The following LAMA2 variants were observed in gnomAD, a reference collection of about 807,000 sequenced individuals.
LAMA2 encodes the protein laminin subunit alpha 2.
LAMA2 carries 269 observed loss-of-function variants against 364.8 expected under a neutral mutation model. The ratio of observed to expected loss-of-function variants is 0.74; its 90% CI spans 0.67 to 0.82. LAMA2 has a LOEUF of 0.82. Ranked by LOEUF, LAMA2 falls within the 40% of genes least tolerant of loss-of-function variation. The probability of loss-of-function intolerance (pLI) is 0.00; values close to 1 mark genes in which losing one functional copy is unlikely to be tolerated. For synonymous variants in LAMA2, 1,379 were observed against 1,370.6 expected (o/e 1.01, Z -0.14); for missense variants, 3,807 against 3,873.2 (o/e 0.98, Z 0.45).
intron 28 of LAMA2, among the ~76,000 whole-genome samples, chr6:129,326,984 A>G (rs1354492617): frequency 6.6e-6 from 1 of 151,510 alleles, no homozygotes; most frequent in African/African-American, 2.4e-5. Flanking sequence ...AATAATGGCA[A>G]AAATGAACCT....
At chr6:129,271,624 T>C (rs1457406957) in intron 17 of LAMA2, among the ~76,000 whole-genome samples, 1 of 152,010 alleles carries the variant, frequency 6.6e-6, no homozygotes, top group Non-Finnish European at 1.5e-5. Flanking sequence ...AAATCAACAA[T>C]TTTTACTCAA....
intron 4 of LAMA2, among the ~76,000 whole-genome samples, chr6:129,140,301 A>G (rs1778050646): frequency 1.3e-5 from 2 of 152,126 alleles, no homozygotes; most frequent in African/African-American, 2.4e-5. Context: ...ACAGAGTATA[A>G]TATTGATATA....
chr6:129,421,326 C>G (rs1781061581), intron 40 of LAMA2, among the ~76,000 whole-genome samples: 1 of 151,130 alleles, frequency 6.6e-6, no homozygotes, highest in Non-Finnish European at 1.5e-5. Context: ...CTTGTATATC[C>G]ATATGTATGA....
At chr6:129,508,106 T>C (rs1310300701) in intron 62 of LAMA2, among the ~76,000 whole-genome samples, 1 of 152,248 alleles carries the variant, frequency 6.6e-6, no homozygotes, top group Non-Finnish European at 1.5e-5. Flanking sequence ...CTGGCATCTT[T>C]CCTGGCTTTC....
At chr6:128,903,062 A>T (rs554493153) in intron 1 of LAMA2, among the ~76,000 whole-genome samples, 4 of 152,186 alleles carry the variant, frequency 2.6e-5, no homozygotes, top group African/African-American at 7.2e-5. Flanking sequence ...GTATGGTTTC[A>T]TATATTAGAG....
chr6:129,457,191 C>T (rs1783012727), intron 48 of LAMA2, among the ~76,000 whole-genome samples: 1 of 151,938 alleles, frequency 6.6e-6, no homozygotes, highest in Non-Finnish European at 1.5e-5. Context: ...CCAGGGTGAC[C>T]CCAAATTTAT....
intron 7 of LAMA2, among the ~76,000 whole-genome samples, chr6:129,149,325 A>G (rs976834978): frequency 2.0e-5 from 3 of 152,158 alleles, no homozygotes; most frequent in Admixed American, 1.3e-4. Context: ...TTTAGGTGAC[A>G]GGTATCATGG....
chr6:129,325,370 G>T (rs760010968), intron 28 of LAMA2, among the ~76,000 whole-genome samples: 27 of 151,912 alleles, frequency 1.8e-4, no homozygotes, highest in Non-Finnish European at 3.2e-4. Context: ...TTTTAGATGG[G>T]ACTCAAAAAG....
intron 1 of LAMA2, among the ~76,000 whole-genome samples, chr6:129,045,356 T>C (rs1473086396): frequency 6.6e-6 from 1 of 152,218 alleles, no homozygotes. Context: ...GTTATTTGTT[T>C]TATTAAAGAT....
intron 11 of LAMA2, among the ~76,000 whole-genome samples, chr6:129,191,995 G>C (rs1030478561): frequency 6.6e-6 from 1 of 152,140 alleles, no homozygotes; most frequent in African/African-American, 2.4e-5. Context: ...CTCCTTTAAG[G>C]TTCCTTCCAT....
rs115874913 is a variant in LAMA2, at chr6:129,338,864, G to A, written c.4312-3479G>A. Reference sequence around the variant, plus strand: ...GTCCCAGCAGTGATAAAGAGTATCCGCATAATTTGAGAATTTCAGATGGCC... The same window carrying A: ...GTCCCAGCAGTGATAAAGAGTATCCACATAATTTGAGAATTTCAGATGGCC... On this transcript the variant is annotated intron_variant, in intron 29 of 64. Coordinates refer to ENST00000421865, the MANE Select transcript of LAMA2 (RefSeq NM_000426.4). Among the ~76,000 whole-genome samples, 641 of 150,978 alleles carry A rather than the reference G, an allele frequency of 4.2e-3. 5 individuals carry two copies. Among genetic ancestry groups the A allele is most frequent in the African/African-American group, 7.5e-3 (309 of 41,132 alleles).
At chr6:129,309,034 C>G in intron 22 of LAMA2, among the ~76,000 whole-genome samples, 1 of 152,212 alleles carries the variant, frequency 6.6e-6, no homozygotes, top group East Asian at 1.9e-4. Flanking sequence ...ACATATCCAA[C>G]TGTATCAGAG....
At chr6:129,399,340 C>G (rs1028728665) in intron 37 of LAMA2, among the ~76,000 whole-genome samples, 1 of 152,178 alleles carries the variant, frequency 6.6e-6, no homozygotes, top group African/African-American at 2.4e-5. Flanking sequence ...GTCTATCAAT[C>G]ATGTGGGGTT....
intron 32 of LAMA2, among the ~76,000 whole-genome samples, chr6:129,364,744 T>C (rs1777661540): frequency 6.6e-6 from 1 of 152,192 alleles, no homozygotes; most frequent in Non-Finnish European, 1.5e-5. Flanking sequence ...AGTGTATTAG[T>C]CCATTTTCGT....
chr6:129,158,242 C>T (rs1156569602), intron 8 of LAMA2: 1 of 1,614,078 alleles, frequency 6.2e-7, no homozygotes, highest in Non-Finnish European at 8.5e-7. Context: ...TTAATATCTG[C>T]CGCTATGAAA....
intron 4 of LAMA2, among the ~76,000 whole-genome samples, chr6:129,136,343 G>T (rs1369659191): frequency 6.6e-6 from 1 of 152,078 alleles, no homozygotes; most frequent in Non-Finnish European, 1.5e-5. Context: ...TGATAAAATT[G>T]GAACTCCTAA....
At chr6:129,395,890 G>A (rs116532131) in intron 37 of LAMA2, among the ~76,000 whole-genome samples, 1 of 152,318 alleles carries the variant, frequency 6.6e-6, no homozygotes, top group African/African-American at 2.4e-5. Context: ...AAGTTCAGTG[G>A]TTTGATAGGC....
chr6:129,222,789 G>A lies in LAMA2; in HGVS notation c.1783-27323G>A, dbSNP rs1562348463. Among the ~76,000 whole-genome samples the A allele has an allele frequency of 2.0e-5, 3 of 151,992 alleles. No individual in the cohort carries two copies. The South Asian group carries it at 6.2e-4, about 32-fold the overall frequency. ...CCAAGTCTTTGCTATTATGAATAGT[G>A]CCGCAATAAACATACATGTGCATGT... On this transcript the variant is annotated intron_variant, in intron 12 of 64. Transcript: ENST00000421865.
intron 31 of LAMA2, among the ~76,000 whole-genome samples, chr6:129,352,041 C>T (rs1776880031): frequency 6.6e-6 from 1 of 152,162 alleles, no homozygotes; most frequent in Non-Finnish European, 1.5e-5. Context: ...GCTCCAATCC[C>T]CTACTGTCTC....
Sources: allele counts gnomAD v4.1 joint callset (sites outside exome capture counted in the v4.1 genomes callset), GRCh38; gene constraint gnomAD v4.1.1; transcripts MANE v1.5; gene names NCBI Gene and HGNC (gene_info 2026-07-23, HGNC 2026-07-21).